Variants in FOXN3 observed in about 807,000 individuals in gnomAD.
The protein encoded by FOXN3 is forkhead box protein N3.
A neutral mutation model predicts 38.4 loss-of-function variants in FOXN3; 7 were observed. The observed-to-expected ratio is 0.18, with a 90% CI of 0.10 to 0.34. FOXN3 has a LOEUF of 0.34. Among genes scored for constraint, FOXN3 ranks in the 10% least tolerant of loss-of-function variants. The pLI is 1.00. For missense variants in FOXN3, 456 were observed against 613.4 expected, an observed-to-expected ratio of 0.74 and a Z score of 2.71; for synonymous variants, 230 against 242.2, an observed-to-expected ratio of 0.95 and a Z score of 0.47.
At chr14:89,301,702 A>G (rs966557021) in intron 3 of FOXN3, among the ~76,000 whole-genome samples, 5 of 150,932 alleles carry the variant, frequency 3.3e-5, no homozygotes, top group African/African-American at 1.2e-4. Flanking sequence ...CGGGAGGCAG[A>G]GGTTGCAGTG....
intron 4 of FOXN3, among the ~76,000 whole-genome samples, chr14:89,207,501 C>T (rs1009772881): frequency 2.6e-5 from 4 of 152,050 alleles, no homozygotes; most frequent in Non-Finnish European, 4.4e-5. Flanking sequence ...GAAATACATA[C>T]AGAAGAAATT....
At chr14:89,594,096 C>T (rs1566712268) in intron 1 of FOXN3, among the ~76,000 whole-genome samples, 1 of 152,178 alleles carries the variant, frequency 6.6e-6, no homozygotes, top group Non-Finnish European at 1.5e-5. Flanking sequence ...CAAGTATGCA[C>T]ATTATATTAT....
At chr14:89,514,260 T>C (rs1894158532) in intron 1 of FOXN3, among the ~76,000 whole-genome samples, 1 of 152,174 alleles carries the variant, frequency 6.6e-6, no homozygotes, top group Admixed American at 6.5e-5. Context: ...GGAACAATCT[T>C]CTTGCCCCAG....
intron 3 of FOXN3, among the ~76,000 whole-genome samples, chr14:89,318,343 G>T (rs548936819): frequency 6.6e-6 from 1 of 151,986 alleles, no homozygotes; most frequent in Non-Finnish European, 1.5e-5. Flanking sequence ...ATTTTTAGTA[G>T]AGATGGAGTT....
intron 3 of FOXN3, among the ~76,000 whole-genome samples, chr14:89,286,567 C>T (rs1344661642): frequency 6.6e-6 from 1 of 152,172 alleles, no homozygotes; most frequent in Non-Finnish European, 1.5e-5. Context: ...CACCAGACTG[C>T]AATTTCCCCA....
chr14:89,487,577 T>C (rs966134759), intron 1 of FOXN3, among the ~76,000 whole-genome samples: 3 of 152,190 alleles, frequency 2.0e-5, no homozygotes, highest in Admixed American at 6.6e-5. Context: ...TATCCACCCA[T>C]ACAAAGACAT....
chr14:89,193,385 G>C (rs1045999081), intron 4 of FOXN3, among the ~76,000 whole-genome samples: 6 of 152,114 alleles, frequency 3.9e-5, no homozygotes, highest in Admixed American at 3.9e-4. Context: ...CATAGTGAAA[G>C]AAAGAAAACA....
intron 4 of FOXN3, among the ~76,000 whole-genome samples, chr14:89,262,818 C>A (rs1885848137): frequency 6.6e-6 from 1 of 152,176 alleles, no homozygotes; most frequent in African/African-American, 2.4e-5. Context: ...TTACAAAGGG[C>A]TGATGTATGG....
chr14:89,471,482 G>A (rs1245902017), intron 1 of FOXN3, among the ~76,000 whole-genome samples: 1 of 152,142 alleles, frequency 6.6e-6, no homozygotes, highest in East Asian at 1.9e-4. Context: ...GCACACACCT[G>A]TAGGAGTGGG....
At chr14:89,534,911 G>A (rs1894652152) in intron 1 of FOXN3, among the ~76,000 whole-genome samples, 1 of 152,182 alleles carries the variant, frequency 6.6e-6, no homozygotes, top group Non-Finnish European at 1.5e-5. Flanking sequence ...AAGCTCCGGG[G>A]ATATATTTCT....
chr14:89,249,863 T>C (rs1168082197), intron 4 of FOXN3, among the ~76,000 whole-genome samples: 1 of 152,174 alleles, frequency 6.6e-6, no homozygotes, highest in African/African-American at 2.4e-5. Context: ...GTTCTATACA[T>C]TTTTTAATGA....
chr14:89,333,422 G>GAA (rs71301965), intron 3 of FOXN3, among the ~76,000 whole-genome samples: 25 of 129,234 alleles, frequency 1.9e-4, no homozygotes, highest in Non-Finnish European at 2.7e-4. Context: ...CGTCTCAAAA[G>GAA]AAAAAAAAAA....
intron 3 of FOXN3, among the ~76,000 whole-genome samples, chr14:89,332,529 GA>G (rs1888282489): frequency 6.6e-6 from 1 of 151,978 alleles, no homozygotes; most frequent in South Asian, 2.1e-4. Flanking sequence ...TTGTTAAAAC[GA>G]AATTTTCCAG....
chr14:89,317,236 C>T (rs1269426054), intron 3 of FOXN3, among the ~76,000 whole-genome samples: 1 of 152,190 alleles, frequency 6.6e-6, no homozygotes, highest in Non-Finnish European at 1.5e-5. Context: ...ATCATCTGCA[C>T]ATGGCACAGC....
At chr14:89,430,418 T>A (rs1892130555) in intron 1 of FOXN3, among the ~76,000 whole-genome samples, 1 of 152,222 alleles carries the variant, frequency 6.6e-6, no homozygotes, top group African/African-American at 2.4e-5. Flanking sequence ...TCAGCACAGA[T>A]AAACACAGCA....
At chr14:89,227,031 C>G (rs558426551) in intron 4 of FOXN3, among the ~76,000 whole-genome samples, 61 of 152,214 alleles carry the variant, frequency 4.0e-4, no homozygotes, top group African/African-American at 1.3e-3. Context: ...TTACGGCAGC[C>G]CTAGCAAACT....
intron 5 of FOXN3, among the ~76,000 whole-genome samples, chr14:89,176,446 A>G (rs773360666): frequency 6.6e-6 from 1 of 152,192 alleles, no homozygotes; most frequent in Non-Finnish European, 1.5e-5. Flanking sequence ...CACAAAAGAG[A>G]GTGGGAAATT....
At chr14:89,431,840 G>A (rs1012103589) in intron 1 of FOXN3, among the ~76,000 whole-genome samples, 3 of 151,848 alleles carry the variant, frequency 2.0e-5, no homozygotes, top group Admixed American at 6.6e-5. Context: ...TCAGCCTCCC[G>A]AGTAGCTTGG....
At chr14:89,405,327 G>A (rs1430449844) in intron 2 of FOXN3, among the ~76,000 whole-genome samples, 1 of 152,084 alleles carries the variant, frequency 6.6e-6, no homozygotes, top group Non-Finnish European at 1.5e-5. Context: ...AGTAGAGACA[G>A]GGTTTCACCA....
Sources: allele counts gnomAD v4.1 joint callset (sites outside exome capture counted in the v4.1 genomes callset), GRCh38; gene constraint gnomAD v4.1.1; transcripts MANE v1.5; gene names NCBI Gene and HGNC (gene_info 2026-07-23, HGNC 2026-07-21).